Variants in SMIM24 observed in about 807,000 individuals in gnomAD.
The protein encoded by SMIM24 is MAP17-related dimer.
Under a neutral mutation model 10.8 loss-of-function variants are expected in SMIM24, and 6 were observed. That is an observed-to-expected ratio of 0.55 (90% CI 0.30 to 1.09). The LOEUF is 1.09. SMIM24 is among the 50% of genes least tolerant of loss of function. SMIM24 has a pLI of 0.06. For missense variants in SMIM24, 151 were observed against 153.4 expected (o/e 0.98, Z 0.08); for synonymous variants, 71 against 62.4 (o/e 1.14, Z -0.65).
chr19:3,477,303 GATGA>G (rs1568215363), intron 3 of SMIM24, among the ~76,000 whole-genome samples: 1 of 122,668 alleles, frequency 8.2e-6, no homozygotes, highest in Non-Finnish European at 1.7e-5. Context: ...TGGATGGATG[GATGA>G]TAGACAGATG....
intron 1 of SMIM24, 116 bp from the exon 2 acceptor site, chr19:3,479,045 T>G (rs2082805526): frequency 2.6e-6 from 2 of 771,150 alleles, no homozygotes; most frequent in Non-Finnish European, 4.2e-6. Flanking sequence ...ACAGAGGGGG[T>G]ATTGGAAAGG....
chr19:3,475,432 A>AGGTGGGTGGATAGTG (rs746184235), intron 3 of SMIM24, among the ~76,000 whole-genome samples: 190 of 152,066 alleles, frequency 1.2e-3, no homozygotes, highest in Non-Finnish European at 2.0e-3. Flanking sequence ...ATGAGTGGAC[A>AGGTGGGTGGATAGTG]GGTGGGTGGA....
chr19:3,480,405 G>A lies in SMIM24; in HGVS notation c.59C>T (p.Ala20Val), dbSNP rs754130663. 1 of 1,548,416 alleles carries A rather than the reference G, an allele frequency of 6.5e-7. No homozygotes were observed. The highest frequency in any genetic ancestry group is 1.2e-5 in the South Asian group (1 of 83,932). The stretch of plus-strand genomic sequence containing the variant: ...CGCCCCCCTGCACCTACCCTGCTGG[G>A]CCTCCACCGGGGAGAGGAGCAGAAA... Reference protein sequence around the residue: ...LEFLLLSPVEAQQATEHRLKP... With the variant: ...LEFLLLSPVEVQQATEHRLKP... The change falls in exon 1 of 4, where the codon GCC (alanine) becomes GTC (valine). Residue 20 changes from alanine (A) to valine (V), a missense_variant. Physicochemically the swap from Ala to Val is moderately conservative, Grantham distance 64. Transcript: ENST00000215531.
At chr19:3,477,383 G>T (rs1471608193) in intron 3 of SMIM24, among the ~76,000 whole-genome samples, 2 of 147,900 alleles carry the variant, frequency 1.4e-5, no homozygotes, top group Non-Finnish European at 3.0e-5. Flanking sequence ...GAATGGATGG[G>T]GGGTGATGAA....
intron 1 of SMIM24, among the ~76,000 whole-genome samples, chr19:3,479,418 G>A (rs1599751558): frequency 6.7e-6 from 1 of 149,750 alleles, no homozygotes; most frequent in Non-Finnish European, 1.5e-5. Context: ...GGGGGGTTGG[G>A]GCTTACAACA....
At chr19:3,475,614 G>C (rs1305302697) in intron 3 of SMIM24, among the ~76,000 whole-genome samples, 1 of 150,050 alleles carries the variant, frequency 6.7e-6, no homozygotes, top group African/African-American at 2.5e-5. Flanking sequence ...TGGGTGAGTG[G>C]ATAGTTGAGT....
intron 1 of SMIM24, 153 bp from the exon 2 acceptor site, chr19:3,479,082 G>GT: frequency 3.3e-6 from 2 of 598,904 alleles, no homozygotes; most frequent in South Asian, 4.1e-5. Context: ...CCTGGATGGC[G>GT]TAGGGGGGTC....
chr19:3,480,371 G>GCCCCCACC, intron 1 of SMIM24, 26 bp downstream of exon 1: 1 of 1,370,124 alleles, frequency 7.3e-7, no homozygotes, highest in Non-Finnish European at 9.8e-7. Flanking sequence ...ATCCCGCGAC[G>GCCCCCACC]CCCCCTCCCG....
At position 3,478,947 on chromosome 19, in the gene SMIM24, G is replaced by A. The variant is rs1214420776; in HGVS notation, c.68-18C>T. The A allele has an allele frequency of 2.6e-6, 4 of 1,544,504 alleles. No homozygotes were observed. The highest frequency in any genetic ancestry group is 1.2e-5 in the South Asian group (1 of 83,894). On this transcript the variant is annotated intron_variant, in intron 1 of 3. Coordinates refer to ENST00000215531, the MANE Select transcript of SMIM24 (RefSeq NM_001136503.2). ...CTCCGTGGCTGCAGGAAGTTGGGGA[G>A]GTTCGACTCAGAGGAAGAAAAGGTC...
chr19:3,478,735 G>A (rs1198763345), intron 2 of SMIM24, 83 bp downstream of exon 2: 2 of 1,125,258 alleles, frequency 1.8e-6, no homozygotes, highest in East Asian at 5.2e-5. Flanking sequence ...CTTTGAGGCT[G>A]GTGATGGGGG....
At chr19:3,479,004 G>C (rs1320455506) in intron 1 of SMIM24, 75 bp from the exon 2 acceptor site, 3 of 1,224,480 alleles carry the variant, frequency 2.5e-6, no homozygotes, top group Non-Finnish European at 2.3e-6. Context: ...ACCCTAGCAA[G>C]GAGAGAGAGA....
In SMIM24 at chr19:3,478,822, C is replaced by T. The variant is rs1271594305; in HGVS notation, c.175G>A (p.Ala59Thr). ...GGGGTGGGGGCGGGCACCCACCTGG[C>T]CTTGGAACACCAGAGGCGGTTGGCC... Reference protein sequence around the residue: ...LLANRLWCSKARAEDEEETTF... With the variant: ...LLANRLWCSKTRAEDEEETTF... Residue 59 changes from alanine to threonine, a missense_variant, in exon 2 of 4, where the codon GCC becomes ACC. Coordinates refer to ENST00000215531, the MANE Select transcript of SMIM24 (RefSeq NM_001136503.2). 1 of 1,548,570 alleles carries T rather than the reference C, an allele frequency of 6.5e-7. No individual in the cohort carries two copies. The highest frequency in any genetic ancestry group is 1.4e-5 in the African/African-American group (1 of 72,906).
rs1025742924 is a variant in SMIM24, at chr19:3,474,440, A to G, written c.*403T>C. 1.1e-5 allele frequency: 2 copies of G among 180,250 alleles called. No individual in the cohort carries two copies. Among genetic ancestry groups the G allele is most frequent in the Non-Finnish European group, 2.4e-5 (2 of 85,008 alleles). The allele number at this position is 180,250 out of a possible 1,614,324, so 11.2% of individuals were successfully genotyped here. ...TGTTACGAATGCTTTAATGCAGGCC[A>G]TTGGGAAGCAGCTCTCAGCTGGCAG... On this transcript the variant is annotated 3_prime_UTR_variant, in exon 4 of 4. Coordinates refer to ENST00000215531, the MANE Select transcript of SMIM24 (RefSeq NM_001136503.2).
intron 1 of SMIM24, 92 bp from the exon 2 acceptor site, chr19:3,479,021 C>A: frequency 1.0e-6 from 1 of 999,104 alleles, no homozygotes; most frequent in Non-Finnish European, 1.5e-6. Context: ...GAGAAGGTCA[C>A]TGGGGGTGCT....
At chr19:3,479,116 G>T in intron 1 of SMIM24, 187 bp from the exon 2 acceptor site, 1 of 482,840 alleles carries the variant, frequency 2.1e-6, no homozygotes. Context: ...GAGGGGGAGG[G>T]TACCTTACCA....
rs967688402 is a variant in SMIM24 at position 3,474,501 on chromosome 19, A to G, written c.*342T>C. On this transcript the variant is annotated 3_prime_UTR_variant, in exon 4 of 4. Coordinates refer to ENST00000215531, the MANE Select transcript of SMIM24 (RefSeq NM_001136503.2). ...GGAGAGGGGAAGTTCTGTTCAGTAG[A>G]CATCAGGCAGAGAGAAAAGAAATCA... is the stretch of plus-strand genomic sequence containing the variant. 1 of 294,064 alleles carries G rather than the reference A, an allele frequency of 3.4e-6. No individual in the cohort carries two copies. The highest frequency in any genetic ancestry group is 2.1e-5 in the African/African-American group (1 of 46,878). The allele number at this position is 294,064 out of a possible 1,614,324, so 18.2% of individuals were successfully genotyped here.
intron 1 of SMIM24, 84 bp from the exon 2 acceptor site, chr19:3,479,013 G>C: frequency 9.0e-7 from 1 of 1,108,664 alleles, no homozygotes; most frequent in Non-Finnish European, 1.3e-6. Context: ...AGGAGAGAGA[G>C]AAGGTCACTG....
At chr19:3,475,220 C>T (rs1205120337) in intron 3 of SMIM24, among the ~76,000 whole-genome samples, 1 of 150,066 alleles carries the variant, frequency 6.7e-6, no homozygotes, top group Non-Finnish European at 1.5e-5. Context: ...GATGGATGGA[C>T]ATAAGCCAAA....
chr19:3,480,159 C>T (rs2082812310), intron 1 of SMIM24, among the ~76,000 whole-genome samples: 1 of 128,448 alleles, frequency 7.8e-6, no homozygotes, highest in Non-Finnish European at 1.6e-5. Flanking sequence ...CAGGTGTGCT[C>T]AGAAGGGCTG....
Sources: gnomAD v4.1 joint callset for allele counts (sites outside exome capture counted in the v4.1 genomes callset) on GRCh38, gnomAD v4.1.1 for gene constraint, MANE v1.5 for transcripts, NCBI Gene and HGNC (gene_info 2026-07-23, HGNC 2026-07-21) for gene names.